Variants in CNTNAP3B observed in about 807,000 individuals in gnomAD.
CNTNAP3B encodes contactin associated protein family member 3B.
In CNTNAP3B, 25 loss-of-function variants were observed where a neutral mutation model predicts 108.9. The ratio of observed to expected loss-of-function variants is 0.23; its 90% CI spans 0.17 to 0.32. The LOEUF is 0.32. Among genes scored for constraint, CNTNAP3B ranks in the 10% least tolerant of loss-of-function variants. The pLI is 1.00. For missense variants in CNTNAP3B, 252 were observed against 1,210.4 expected, an observed-to-expected ratio of 0.21 and a Z score of 11.75; for synonymous variants, 103 against 473.4, an observed-to-expected ratio of 0.22 and a Z score of 10.16.
chr9:41,969,026 G>T (rs1238403207), intron 10 of CNTNAP3B, among the ~76,000 whole-genome samples: 5 of 152,294 alleles, frequency 3.3e-5, no homozygotes, highest in Non-Finnish European at 5.9e-5. Context: ...TCGATCTCCT[G>T]ACCTCGTGAT....
chr9:42,075,311 T>A (rs1171559552), intron 3 of CNTNAP3B, among the ~76,000 whole-genome samples: 2 of 144,894 alleles, frequency 1.4e-5, no homozygotes, highest in East Asian at 4.1e-4. Flanking sequence ...TTCCAACATA[T>A]GTCTTTGGGA....
At chr9:42,123,753 C>G (rs1014733590) in intron 1 of CNTNAP3B, among the ~76,000 whole-genome samples, 1 of 137,460 alleles carries the variant, frequency 7.3e-6, no homozygotes, top group Non-Finnish European at 1.5e-5. Context: ...AGTTAAGGAA[C>G]TACAAGTTAT....
At chr9:41,925,150 A>T (rs2117971947) in intron 15 of CNTNAP3B, among the ~76,000 whole-genome samples, 1 of 151,074 alleles carries the variant, frequency 6.6e-6, no homozygotes, top group African/African-American at 2.5e-5. Flanking sequence ...ACAGAAACAC[A>T]ACTTTACCCA....
chr9:41,936,893 T>C (rs1270592843), intron 14 of CNTNAP3B, among the ~76,000 whole-genome samples: 1 of 152,308 alleles, frequency 6.6e-6, no homozygotes, highest in East Asian at 1.9e-4. Flanking sequence ...ATAGTATGTA[T>C]TCTATAGAAA....
At position 42,063,685 on chromosome 9, in the gene CNTNAP3B, C is replaced by A. The variant is rs925438102; in HGVS notation, c.390+13184G>T. On this transcript the variant is annotated intron_variant, in intron 3 of 23. Transcript: ENST00000377561. ...CCTGTCTTCCTTTCTTCTTTGCTCC[C>A]TCCCTCCTTCCTTGTTTCTGCTACT... 4.4e-5 allele frequency among the ~76,000 whole-genome samples: 6 copies of A among 135,406 alleles called. 2 individuals carry two copies. Among genetic ancestry groups the A allele is most frequent in the African/African-American group, 1.8e-4 (6 of 33,450 alleles). The allele number at this position is 135,406 out of a possible 152,430, so 88.8% of individuals were successfully genotyped here.
rs745764720 is a variant in CNTNAP3B, at chr9:42,129,123, C to T, written c.-29G>A. ...CACTTCAGCCAGGCGCCCTGAGACC[C>T]GGGCACGGCGACGGCCGCTCTGCGT... is the stretch of plus-strand genomic sequence containing the variant. On this transcript the variant is annotated 5_prime_UTR_variant, in exon 1 of 24. Transcript: ENST00000377561. 9 of 1,541,340 alleles carry T rather than the reference C, an allele frequency of 5.8e-6. No individual in the cohort carries two copies. In the African/African-American group the frequency reaches 9.3e-5, roughly 16 times the overall value.
Position 42,095,140 on chromosome 9 carries a change from T to C in CNTNAP3B, c.196+9489A>G, listed in dbSNP as rs1827874405. On this transcript the variant is annotated intron_variant, in intron 2 of 23. Coordinates refer to ENST00000377561, the MANE Select transcript of CNTNAP3B (RefSeq NM_001201380.3). The stretch of plus-strand genomic sequence containing the variant: ...ATTATTATTCCTATCTACCCAAAAC[T>C]ATGTACCTACTGACCAACATCTCCC... 2.2e-5 allele frequency among the ~76,000 whole-genome samples: 3 copies of C among 136,042 alleles called. 1 individual carries two copies. Among genetic ancestry groups the C allele is most frequent in the Non-Finnish European group, 4.6e-5 (3 of 64,590 alleles). 89.2% of individuals were successfully genotyped at this position (136,042 alleles called of 152,430 possible). A position where few individuals can be genotyped will look rare whatever the true frequency, so the allele number is the denominator to read the frequency against.
chr9:41,965,657 T>C, intron 10 of CNTNAP3B, among the ~76,000 whole-genome samples: 1 of 151,808 alleles, frequency 6.6e-6, no homozygotes. Context: ...GACATCATAG[T>C]CCATGCTGGA....
At chr9:42,043,036 C>A (rs1180325424) in intron 3 of CNTNAP3B, among the ~76,000 whole-genome samples, 1 of 149,646 alleles carries the variant, frequency 6.7e-6, no homozygotes, top group African/African-American at 2.5e-5. Context: ...GAGCACTTCC[C>A]ACATACTTCC....
At chr9:42,086,470 C>T (rs926337614) in intron 2 of CNTNAP3B, among the ~76,000 whole-genome samples, 15 of 139,126 alleles carry the variant, frequency 1.1e-4, no homozygotes, top group African/African-American at 2.0e-4. Context: ...TTACAACAGG[C>T]GGAGTCTCGC....
At chr9:42,041,307 A>C (rs1390785394) in intron 3 of CNTNAP3B, among the ~76,000 whole-genome samples, 1 of 147,072 alleles carries the variant, frequency 6.8e-6, no homozygotes, top group African/African-American at 2.6e-5. Flanking sequence ...GGCAACCTAC[A>C]ACATGGGAGA....
intron 3 of CNTNAP3B, among the ~76,000 whole-genome samples, chr9:42,071,482 G>T (rs1827378449): frequency 7.4e-6 from 1 of 134,584 alleles, no homozygotes; most frequent in Non-Finnish European, 1.6e-5. Flanking sequence ...GGTCAAAGTT[G>T]CTTATTTCTT....
chr9:42,030,790 T>G (rs1328203415), intron 3 of CNTNAP3B, among the ~76,000 whole-genome samples: 3 of 34,440 alleles, frequency 8.7e-5, no homozygotes, highest in African/African-American at 1.2e-4. Context: ...GAGAGATGTG[T>G]GCGAGAGAGA....
intron 1 of CNTNAP3B, among the ~76,000 whole-genome samples, chr9:42,109,435 T>C (rs1257434713): frequency 1.5e-5 from 2 of 137,760 alleles, no homozygotes; most frequent in Non-Finnish European, 3.1e-5. Context: ...GATCTGATAA[T>C]AAGAATGAAA....
At chr9:42,024,798 G>A (rs569496780) in intron 3 of CNTNAP3B, among the ~76,000 whole-genome samples, 91 of 145,336 alleles carry the variant, frequency 6.3e-4, no homozygotes, top group African/African-American at 1.9e-3. Context: ...AGTTTGCACC[G>A]TTTGCCAATT....
intron 2 of CNTNAP3B, among the ~76,000 whole-genome samples, chr9:42,096,239 A>G (rs1468540705): frequency 7.2e-6 from 1 of 138,864 alleles, no homozygotes. Context: ...TTCAGTGAAG[A>G]CTTCCATTAA....
At position 42,070,663 on chromosome 9, in the gene CNTNAP3B, C is replaced by T. The variant is rs1344080245; in HGVS notation, c.390+6206G>A. Among the ~76,000 whole-genome samples the T allele has an allele frequency of 2.0e-5, 3 of 152,086 alleles. 1 individual carries two copies. Among genetic ancestry groups the T allele is most frequent in the African/African-American group, 7.3e-5 (3 of 41,300 alleles). ...TAACTGCAGTGTCTGCCATCCTTTCCTGCTCTCTCATAGCAGGTACCGAGT... is the reference window on the plus strand; with the variant it reads ...TAACTGCAGTGTCTGCCATCCTTTCTTGCTCTCTCATAGCAGGTACCGAGT... On this transcript the variant is annotated intron_variant, in intron 3 of 23. Transcript: ENST00000377561.
chr9:42,116,912 T>C lies in CNTNAP3B; in HGVS notation c.85+12098A>G, dbSNP rs960710465. 2.2e-5 allele frequency among the ~76,000 whole-genome samples: 3 copies of C among 137,200 alleles called. 1 individual carries two copies. Among genetic ancestry groups the C allele is most frequent in the African/African-American group, 5.8e-5 (2 of 34,196 alleles). 90.0% of individuals were successfully genotyped at this position (137,200 alleles called of 152,430 possible). On this transcript the variant is annotated intron_variant, in intron 1 of 23. Coordinates refer to ENST00000377561, the MANE Select transcript of CNTNAP3B (RefSeq NM_001201380.3). Reference sequence around the variant, plus strand: ...AAAACAGACTTTAAACCAACAAAGATCAAAAGAGACAAAGAAGGCCATTAC... The same window carrying C: ...AAAACAGACTTTAAACCAACAAAGACCAAAAGAGACAAAGAAGGCCATTAC...
intron 14 of CNTNAP3B, among the ~76,000 whole-genome samples, chr9:41,935,216 A>G (rs1347115665): frequency 1.3e-5 from 2 of 152,290 alleles, no homozygotes; most frequent in African/African-American, 2.4e-5. Flanking sequence ...ACTGTGCCTG[A>G]GGAACTGTCT....
Sources: gnomAD v4.1 joint callset for allele counts (sites outside exome capture counted in the v4.1 genomes callset) on GRCh38, gnomAD v4.1.1 for gene constraint, MANE v1.5 for transcripts, NCBI Gene and HGNC (gene_info 2026-07-23, HGNC 2026-07-21) for gene names.